Variants in TRHDE observed in about 807,000 individuals in gnomAD.
The protein encoded by TRHDE is thyrotropin releasing hormone degrading enzyme.
A neutral mutation model predicts 125.7 loss-of-function variants in TRHDE; 72 were observed. The observed-to-expected ratio is 0.57, with a 90% CI of 0.47 to 0.70. TRHDE has a LOEUF of 0.70. Among genes scored for constraint, TRHDE ranks in the 30% least tolerant of loss-of-function variants. The pLI is 0.00. For missense variants in TRHDE, 1,110 were observed against 1,327.1 expected, an observed-to-expected ratio of 0.84 and a Z score of 2.54; for synonymous variants, 509 against 509.1, an observed-to-expected ratio of 1.00 and a Z score of 0.00.
intron 3 of TRHDE, among the ~76,000 whole-genome samples, chr12:72,413,617 T>C (rs1453284725): frequency 1.3e-5 from 2 of 152,110 alleles, no homozygotes; most frequent in African/African-American, 4.8e-5. Context: ...CAATCGAGCC[T>C]ATTTTATAGA....
At chr12:72,463,983 G>A (rs1275818774) in intron 3 of TRHDE, among the ~76,000 whole-genome samples, 1 of 152,112 alleles carries the variant, frequency 6.6e-6, no homozygotes, top group Non-Finnish European at 1.5e-5. Context: ...AGGGCAATGG[G>A]CCATTTTATT....
At chr12:72,370,425 T>C (rs1407867348) in intron 2 of TRHDE, among the ~76,000 whole-genome samples, 1 of 152,176 alleles carries the variant, frequency 6.6e-6, no homozygotes, top group Non-Finnish European at 1.5e-5. Context: ...CTAATTCTGA[T>C]CATGTCATTC....
At chr12:72,582,181 A>T (rs1486864498) in intron 12 of TRHDE, 1 of 881,268 alleles carries the variant, frequency 1.1e-6, no homozygotes, top group African/African-American at 1.8e-5. Flanking sequence ...TGTTTGATGA[A>T]TATATAAGTT....
At chr12:72,356,839 G>A (rs1870847069) in intron 2 of TRHDE, among the ~76,000 whole-genome samples, 1 of 151,478 alleles carries the variant, frequency 6.6e-6, no homozygotes. Flanking sequence ...GTGAAACTAT[G>A]AAACTCCAAG....
chr12:72,542,416 T>A, intron 7 of TRHDE, 60 bp downstream of exon 7: 1 of 1,417,200 alleles, frequency 7.1e-7, no homozygotes, highest in Non-Finnish European at 9.8e-7. Flanking sequence ...TTTCACAGCT[T>A]AGGAAATGGC....
chr12:72,316,682 T>C (rs189103347), intron 2 of TRHDE, among the ~76,000 whole-genome samples: 9 of 152,352 alleles, frequency 5.9e-5, no homozygotes, highest in East Asian at 1.9e-4. Context: ...CTCACTGATA[T>C]GGCTCTAAAA....
intron 2 of TRHDE, among the ~76,000 whole-genome samples, chr12:72,341,250 A>G (rs1208287634): frequency 6.6e-6 from 1 of 151,860 alleles, no homozygotes; most frequent in Non-Finnish European, 1.5e-5. Flanking sequence ...CATCATTTAC[A>G]TTAGGTATTT....
chr12:72,514,743 C>T (rs973709977), intron 6 of TRHDE, among the ~76,000 whole-genome samples: 2 of 149,864 alleles, frequency 1.3e-5, no homozygotes, highest in Non-Finnish European at 3.0e-5. Flanking sequence ...CCCACTAAAT[C>T]GTCATCTAGC....
chr12:72,125,767 T>C (rs890384229), intron 2 of TRHDE, among the ~76,000 whole-genome samples: 5 of 152,122 alleles, frequency 3.3e-5, no homozygotes, highest in African/African-American at 1.2e-4. Flanking sequence ...TTCCAGATAA[T>C]GGAAATCATA....
intron 2 of TRHDE, among the ~76,000 whole-genome samples, chr12:72,182,671 G>T (rs1471296421): frequency 6.6e-6 from 1 of 152,156 alleles, no homozygotes; most frequent in African/African-American, 2.4e-5. Flanking sequence ...AATACCCAAG[G>T]TGTATAGGAA....
intron 12 of TRHDE, among the ~76,000 whole-genome samples, chr12:72,587,059 G>A (rs983666293): frequency 6.6e-6 from 1 of 152,138 alleles, no homozygotes; most frequent in African/African-American, 2.4e-5. Context: ...AGTTAATTGT[G>A]TAAGCTGAGG....
chr12:72,376,733 T>C lies in TRHDE; in HGVS notation c.1189-1262T>C, dbSNP rs372291568. 5.3e-5 allele frequency among the ~76,000 whole-genome samples: 8 copies of C among 152,288 alleles called. No individual in the cohort carries two copies. The South Asian group carries it at 1.2e-3, about 24-fold the overall frequency. The stretch of plus-strand genomic sequence containing the variant: ...AGATAATAAAGAGTTAATCATATAA[T>C]CAATTTTTATTATAAATAATAATAG... On this transcript the variant is annotated intron_variant, in intron 2 of 18. Coordinates refer to ENST00000261180, the MANE Select transcript of TRHDE (RefSeq NM_013381.3).
At chr12:72,290,761 A>G (rs1880057104) in intron 2 of TRHDE, among the ~76,000 whole-genome samples, 1 of 152,214 alleles carries the variant, frequency 6.6e-6, no homozygotes, top group Admixed American at 6.5e-5. Context: ...TCAAAGCATG[A>G]TGGCCTTAGG....
intron 2 of TRHDE, among the ~76,000 whole-genome samples, chr12:72,363,858 A>G (rs1592390580): frequency 1.3e-5 from 2 of 151,994 alleles, no homozygotes; most frequent in Admixed American, 6.6e-5. Flanking sequence ...ACATGATTGT[A>G]TATCTAGAAA....
intron 2 of TRHDE, among the ~76,000 whole-genome samples, chr12:72,249,935 CACTTATATA>C (rs1354279562): frequency 1.3e-5 from 2 of 151,996 alleles, no homozygotes; most frequent in African/African-American, 4.8e-5. Context: ...AATATAATAC[CACTTATATA>C]ACTTATATAA....
At chr12:72,588,991 C>T (rs768980995) in intron 12 of TRHDE, among the ~76,000 whole-genome samples, 3 of 152,162 alleles carry the variant, frequency 2.0e-5, no homozygotes, top group Non-Finnish European at 2.9e-5. Flanking sequence ...ATCACAAGAA[C>T]AACATGAGGG....
chr12:72,282,218 T>G (rs988116041), intron 1 of TRHDE, among the ~76,000 whole-genome samples: 4 of 152,174 alleles, frequency 2.6e-5, no homozygotes, highest in Admixed American at 6.6e-5. Flanking sequence ...CTGTTTTGTT[T>G]TACTTTTTGC....
intron 10 of TRHDE, among the ~76,000 whole-genome samples, chr12:72,570,566 G>A (rs1870669602): frequency 8.6e-6 from 1 of 116,400 alleles, no homozygotes; most frequent in African/African-American, 3.3e-5. Context: ...GAGTGAGAGA[G>A]AGAGACTGTC....
chr12:72,475,211 A>C (rs1876834264), intron 5 of TRHDE, among the ~76,000 whole-genome samples: 2 of 152,172 alleles, frequency 1.3e-5, no homozygotes, highest in Non-Finnish European at 2.9e-5. Context: ...ACATTTCCAA[A>C]AGTATCTTTT....
Sources: allele counts gnomAD v4.1 joint callset (sites outside exome capture counted in the v4.1 genomes callset), GRCh38; gene constraint gnomAD v4.1.1; transcripts MANE v1.5; gene names NCBI Gene and HGNC (gene_info 2026-07-23, HGNC 2026-07-21).